LRIG1: variants seen among roughly 807,000 people sequenced by gnomAD.
LRIG1 encodes the protein leucine rich repeats and immunoglobulin like domains 1.
In LRIG1, 48 loss-of-function variants were observed where a neutral mutation model predicts 99.2. That is an observed-to-expected ratio of 0.48 (90% confidence interval 0.38 to 0.62). LRIG1 has a LOEUF of 0.62. Among genes scored for constraint, LRIG1 ranks in the 20% least tolerant of loss-of-function variants. The probability of loss-of-function intolerance (pLI) is 0.00; values close to 1 mark genes in which losing one functional copy is unlikely to be tolerated. For synonymous variants in LRIG1, 772 were observed against 596.1 expected (o/e 1.29, Z -4.30); for missense variants, 1,646 against 1,434.4 (o/e 1.15, Z -2.38).
At chr3:66,437,965 C>A (rs1214026581) in intron 3 of LRIG1, among the ~76,000 whole-genome samples, 2 of 152,190 alleles carry the variant, frequency 1.3e-5, no homozygotes, top group African/African-American at 4.8e-5. Flanking sequence ...AGGGCCAACT[C>A]TGAAAGAGCT....
At chr3:66,407,326 C>T (rs1702304821) in intron 8 of LRIG1, 22 bp downstream of exon 8, 2 of 1,613,904 alleles carry the variant, frequency 1.2e-6, no homozygotes, top group African/African-American at 1.3e-5. Flanking sequence ...CCCCTTTATC[C>T]TGTCAGTAGT....
At chr3:66,450,355 T>C (rs1193695027) in intron 3 of LRIG1, among the ~76,000 whole-genome samples, 3 of 152,120 alleles carry the variant, frequency 2.0e-5, no homozygotes, top group African/African-American at 7.2e-5. Context: ...GAGCTTCATA[T>C]ACATTCCACT....
intron 2 of LRIG1, among the ~76,000 whole-genome samples, chr3:66,459,910 C>G (rs1361930971): frequency 1.3e-5 from 2 of 152,180 alleles, no homozygotes; most frequent in African/African-American, 4.8e-5. Flanking sequence ...CATCCTGGAA[C>G]TGAAGGCAAA....
intron 9 of LRIG1, chr3:66,404,570 G>A (rs3845892): frequency 0.94 from 198,380 of 212,058 alleles, 93,924 homozygotes; most frequent in Non-Finnish European, 1. Context: ...AGTTTTGGGC[G>A]AAATCCCCTC....
At chr3:66,426,444 T>C (rs921019056) in intron 3 of LRIG1, among the ~76,000 whole-genome samples, 1 of 152,204 alleles carries the variant, frequency 6.6e-6, no homozygotes, top group Non-Finnish European at 1.5e-5. Context: ...ACTCTAATTC[T>C]TGCTGTCATG....
Position 66,423,122 on chromosome 3 carries a change from A to G in LRIG1, c.366-5856T>C, listed in dbSNP as rs1702870738. On this transcript the variant is annotated intron_variant, in intron 3 of 18. Transcript: ENST00000273261. Reference sequence around the variant, plus strand: ...GGGTAGACATCATCCCAGCCAAACCATATCAAATAGGTATGAAGTTTTAGT... The same window carrying G: ...GGGTAGACATCATCCCAGCCAAACCGTATCAAATAGGTATGAAGTTTTAGT... Among the ~76,000 whole-genome samples the G allele has an allele frequency of 2.0e-5, 3 of 152,216 alleles. No individual in the cohort carries two copies. The South Asian group carries it at 6.2e-4, about 31-fold the overall frequency.
At chr3:66,385,438 A>T (rs1315991072) in intron 13 of LRIG1, among the ~76,000 whole-genome samples, 1 of 143,566 alleles carries the variant, frequency 7.0e-6, no homozygotes, top group Non-Finnish European at 1.5e-5. Flanking sequence ...AGCTCTCCAC[A>T]ATTTGACTTA....
chr3:66,499,045 C>T (rs967584867), intron 1 of LRIG1, among the ~76,000 whole-genome samples: 4 of 152,138 alleles, frequency 2.6e-5, no homozygotes, highest in African/African-American at 9.7e-5. Flanking sequence ...GAAAAATGTC[C>T]AATTATTCAA....
At chr3:66,416,653 CCAAA>C (rs1337021722) in intron 4 of LRIG1, among the ~76,000 whole-genome samples, 1 of 152,164 alleles carries the variant, frequency 6.6e-6, no homozygotes, top group Non-Finnish European at 1.5e-5. Flanking sequence ...CTGCCCTCCC[CCAAA>C]CAAACCCAAT....
chr3:66,486,062 G>A (rs1385216687), intron 1 of LRIG1, among the ~76,000 whole-genome samples: 1 of 152,010 alleles, frequency 6.6e-6, no homozygotes, highest in Non-Finnish European at 1.5e-5. Context: ...AACTACTCTG[G>A]GCCTCATGTA....
intron 3 of LRIG1, among the ~76,000 whole-genome samples, chr3:66,427,042 A>C (rs1315367188): frequency 6.6e-6 from 1 of 152,234 alleles, no homozygotes; most frequent in East Asian, 1.9e-4. Context: ...GTTAGAAAAT[A>C]AGTTTCACAT....
intron 3 of LRIG1, among the ~76,000 whole-genome samples, chr3:66,417,940 G>T (rs1702665197): frequency 6.6e-6 from 1 of 152,102 alleles, no homozygotes; most frequent in Non-Finnish European, 1.5e-5. Context: ...TTTCTCATTT[G>T]GAAGATGGGG....
In LRIG1 at chr3:66,447,807, T is replaced by C. The variant is rs143326615; in HGVS notation, c.365+3752A>G. Among the ~76,000 whole-genome samples the C allele has an allele frequency of 4.8e-3, 732 of 152,340 alleles. 6 individuals carry two copies. Among genetic ancestry groups the C allele is most frequent in the African/African-American group, 0.016 (685 of 41,580 alleles). On this transcript the variant is annotated intron_variant, in intron 3 of 18. Coordinates refer to ENST00000273261, the MANE Select transcript of LRIG1 (RefSeq NM_015541.3). ...CAACACCACCGGAAAAACAGAGATTTTTCCTCAACAGAAATGTCATTGATG... is the reference window on the plus strand; with the variant it reads ...CAACACCACCGGAAAAACAGAGATTCTTCCTCAACAGAAATGTCATTGATG...
At chr3:66,460,355 G>A (rs1243337198) in intron 2 of LRIG1, among the ~76,000 whole-genome samples, 1 of 152,166 alleles carries the variant, frequency 6.6e-6, no homozygotes, top group Non-Finnish European at 1.5e-5. Context: ...AACCTAACAA[G>A]CTCCATGATG....
chr3:66,384,708 G>T (rs187989452), intron 13 of LRIG1, among the ~76,000 whole-genome samples: 2 of 151,666 alleles, frequency 1.3e-5, no homozygotes, highest in Non-Finnish European at 2.9e-5. Context: ...TTGGATGGGT[G>T]TTCATGGGAT....
chr3:66,441,278 T>A (rs1488535157), intron 3 of LRIG1, among the ~76,000 whole-genome samples: 1 of 152,078 alleles, frequency 6.6e-6, no homozygotes, highest in Non-Finnish European at 1.5e-5. Context: ...TTGAAAGGCA[T>A]CCAGGAAGTG....
At chr3:66,487,901 C>T (rs1403510071) in intron 1 of LRIG1, among the ~76,000 whole-genome samples, 1 of 152,160 alleles carries the variant, frequency 6.6e-6, no homozygotes. Flanking sequence ...TGTTAAACTT[C>T]TGTCAAGAAG....
chr3:66,488,532 G>A (rs1293121401), intron 1 of LRIG1, among the ~76,000 whole-genome samples: 1 of 151,996 alleles, frequency 6.6e-6, no homozygotes, highest in Non-Finnish European at 1.5e-5. Flanking sequence ...AGCTCTTTGG[G>A]AGGCTGAGGC....
chr3:66,470,547 G>T (rs1056570199), intron 1 of LRIG1, among the ~76,000 whole-genome samples: 4 of 152,194 alleles, frequency 2.6e-5, no homozygotes, highest in African/African-American at 9.7e-5. Context: ...AAGTTGAGAA[G>T]AATAGCCCCA....
Sources: allele counts gnomAD v4.1 joint callset (sites outside exome capture counted in the v4.1 genomes callset), GRCh38; gene constraint gnomAD v4.1.1; transcripts MANE v1.5; gene names NCBI Gene and HGNC (gene_info 2026-07-23, HGNC 2026-07-21).